The following ZNF91 variants were observed in gnomAD, a reference collection of about 807,000 sequenced individuals.
ZNF91 encodes zinc finger protein 91 (HPF7, HTF10).
Under a neutral mutation model 12.6 loss-of-function variants are expected in ZNF91, and 7 were observed. The ratio of observed to expected loss-of-function variants is 0.55; its 90% CI spans 0.31 to 1.04. The LOEUF (loss-of-function observed/expected upper bound fraction) is 1.04, where lower values mean the gene tolerates loss of function less well. Ranked by LOEUF, ZNF91 falls within the 50% of genes least tolerant of loss-of-function variation. ZNF91 has a pLI of 0.05. For synonymous variants in ZNF91, 453 were observed against 462.6 expected (o/e 0.98, Z 0.27); for missense variants, 1,217 against 1,385.4 (o/e 0.88, Z 1.93).
chr19:23,337,076 C>A (rs919118055), downstream of ZNF91, among the ~76,000 whole-genome samples: 1 of 151,962 alleles, frequency 6.6e-6, no homozygotes, highest in South Asian at 2.1e-4. Flanking sequence ...TTTATGGTAT[C>A]CATCACTCGA....
In ZNF91 at chr19:23,374,352, T is replaced by C. The variant is rs182944170; in HGVS notation, c.157+286A>G. Among the ~76,000 whole-genome samples the C allele has an allele frequency of 2.8e-4, 40 of 143,282 alleles. No individual in the cohort carries two copies. In the East Asian group the frequency reaches 7.2e-3, roughly 26 times the overall value. 94.0% of individuals were successfully genotyped at this position (143,282 alleles called of 152,430 possible). A position where few individuals can be genotyped will look rare whatever the true frequency, so the allele number is the denominator to read the frequency against. ...AGGTCAGGAGATCGAGACCATCCTGTCTAACACAGTGAAACCCCGTCTCTA... is the reference window on the plus strand; with the variant it reads ...AGGTCAGGAGATCGAGACCATCCTGCCTAACACAGTGAAACCCCGTCTCTA... On this transcript the variant is annotated intron_variant, in intron 2 of 3. Coordinates refer to ENST00000300619, the MANE Select transcript of ZNF91 (RefSeq NM_003430.4).
At chr19:23,373,663 C>A in intron 3 of ZNF91, 79 bp downstream of exon 3, 1 of 1,123,954 alleles carries the variant, frequency 8.9e-7, no homozygotes, top group South Asian at 1.5e-5. Flanking sequence ...CACAGCTTCT[C>A]AGATCACTTT....
intron 3 of ZNF91, among the ~76,000 whole-genome samples, chr19:23,366,905 T>G (rs1969038018): frequency 6.6e-6 from 1 of 152,216 alleles, no homozygotes; most frequent in Non-Finnish European, 1.5e-5. Flanking sequence ...TTAACAGACA[T>G]GTACAAAACT....
At position 23,373,808 on chromosome 19, in the gene ZNF91, T is replaced by G; in HGVS notation, c.187A>C (p.Thr63Pro). The G allele has an allele frequency of 6.2e-7, 1 of 1,611,258 alleles. No individual in the cohort carries two copies. The change falls in exon 3 of 4, where the codon ACT becomes CCT. Residue 63 changes from threonine (T) to proline (P), a missense_variant. Physicochemically the swap from Thr to Pro is conservative, Grantham distance 38. Transcript: ENST00000300619. The stretch of plus-strand genomic sequence containing the variant: ...GGCTCTTTTCCTTGCTCCAGATAAG[T>G]AATCAGGTCTGGCTTAGAGAGAGCA... ...GIALSKPDLITYLEQGKEPWN... is the reference protein window; with the variant it reads ...GIALSKPDLIPYLEQGKEPWN...
intron 1 of ZNF91, among the ~76,000 whole-genome samples, chr19:23,321,189 C>T (rs1218563486): frequency 6.6e-6 from 1 of 152,142 alleles, no homozygotes; most frequent in Non-Finnish European, 1.5e-5. Flanking sequence ...ATTTGACTCT[C>T]CTGCCTGGGC....
chr19:23,359,771 T>C lies in ZNF91; in HGVS notation c.3208A>G (p.Arg1070Gly), dbSNP rs1360811827. 1.5e-5 allele frequency: 25 copies of C among 1,613,986 alleles called. No individual in the cohort carries two copies. Among genetic ancestry groups the C allele is most frequent in the Non-Finnish European group, 2.0e-5 (24 of 1,180,032 alleles). The change falls in exon 4 of 4, where the codon AGA (arginine) becomes GGA (glycine). Residue 1070 changes from arginine (R) to glycine (G), a missense_variant. Arg to Gly is a moderately radical substitution (Grantham distance 125, BLOSUM62 -2). Transcript: ENST00000300619. ...ISSSTLNGHKRIHTREKPYKC... is the reference protein window; with the variant it reads ...ISSSTLNGHKGIHTREKPYKC... ...TAGGGTTTCTCTCTAGTATGAATTC[T>C]CTTATGTCCATTTAGGGTTGAGGAT... is the stretch of plus-strand genomic sequence containing the variant.
At chr19:23,317,077 G>A (rs1040323809) in intron 1 of ZNF91, among the ~76,000 whole-genome samples, 4 of 150,978 alleles carry the variant, frequency 2.6e-5, no homozygotes, top group South Asian at 2.1e-4. Flanking sequence ...GCGGAGTCTC[G>A]CTCTGTCGCC....
chr19:23,328,740 G>A (rs566614806), intron 1 of ZNF91: 4 of 152,330 alleles, frequency 2.6e-5, no homozygotes, highest in African/African-American at 9.6e-5. Flanking sequence ...CTGCAGCATC[G>A]TGACAGTAAA....
intron 3 of ZNF91, chr19:23,342,136 GTC>G (rs1220358283): frequency 7.4e-5 from 31 of 420,004 alleles, no homozygotes; most frequent in Non-Finnish European, 7.9e-5. Flanking sequence ...CGTATCCCTC[GTC>G]TCTGTTATCT....
In ZNF91 at chr19:23,362,521, A is replaced by G; in HGVS notation, c.458T>C (p.Val153Ala). ...NQCLTTAQSK[V>A]FQCGKYLKVF... The stretch of plus-strand genomic sequence containing the variant: ...TTTCAAATATTTCCCACATTGAAAT[A>G]CTTTGCTCTGGGCAGTTGTGAGACA... Residue 153 changes from valine to alanine, a missense_variant, in exon 4 of 4, where the codon GTA (valine) becomes GCA (alanine). Physicochemically the swap from Val to Ala is moderately conservative, Grantham distance 64. This residue lies in a region of ZNF91 where 726 missense variants were observed against 895.5 expected (regional missense o/e 0.81). Transcript: ENST00000300619. 2 of 1,604,044 alleles carry G rather than the reference A, an allele frequency of 1.2e-6. No homozygotes were observed. The highest frequency in any genetic ancestry group is 2.2e-5 in the South Asian group (2 of 89,560).
intron 3 of ZNF91, among the ~76,000 whole-genome samples, chr19:23,364,987 A>G (rs986023497): frequency 6.6e-6 from 1 of 152,184 alleles, no homozygotes; most frequent in Non-Finnish European, 1.5e-5. Context: ...GGCATACCCT[A>G]AAATATATAA....
At chr19:23,330,140 TG>T (rs1967903201) in intron 1 of ZNF91, among the ~76,000 whole-genome samples, 1 of 152,006 alleles carries the variant, frequency 6.6e-6, no homozygotes, top group Non-Finnish European at 1.5e-5. Flanking sequence ...AGACCAGCTT[TG>T]TCAACATGGT....
intron 3 of ZNF91, among the ~76,000 whole-genome samples, chr19:23,371,127 G>A (rs532801041): frequency 1.3e-5 from 2 of 152,200 alleles, no homozygotes; most frequent in East Asian, 3.9e-4. Context: ...GATCACCTGA[G>A]GTCAGGAGCT....
rs576054212 is a variant in ZNF91 at position 23,352,128 on chromosome 19, G to T, written c.254-13074C>A. Among the ~76,000 whole-genome samples the T allele has an allele frequency of 3.9e-5, 6 of 152,310 alleles. No homozygotes were observed. The South Asian group carries it at 1.2e-3, about 32-fold the overall frequency. ...AAGCCCTGTTCTTTCCCAGCTGGGA[G>T]GCAGGAAGCCTTAAGAAATTTTCAA... On this transcript the variant is annotated intron_variant, in intron 3 of 3. Coordinates refer to the ZNF91 transcript ENST00000599743.
chr19:23,335,785 T>G (rs1485556029), downstream of ZNF91, among the ~76,000 whole-genome samples: 2 of 152,138 alleles, frequency 1.3e-5, no homozygotes, highest in Non-Finnish European at 2.9e-5. Context: ...GGTGAGGTGA[T>G]GCCCTACCCT....
chr19:23,318,906 C>T (rs1173744466), intron 1 of ZNF91, among the ~76,000 whole-genome samples: 1 of 152,200 alleles, frequency 6.6e-6, no homozygotes, highest in East Asian at 1.9e-4. Context: ...CTTCACCCAA[C>T]ATTTATGTGA....
upstream of ZNF91, among the ~76,000 whole-genome samples, chr19:23,312,065 A>T (rs577889946): frequency 3.3e-5 from 5 of 152,230 alleles, no homozygotes; most frequent in East Asian, 9.7e-4. Flanking sequence ...GGAGGGGATT[A>T]TACCATATCC....
intron 3 of ZNF91, among the ~76,000 whole-genome samples, chr19:23,345,065 G>C (rs989634228): frequency 5.3e-5 from 8 of 152,176 alleles, no homozygotes; most frequent in African/African-American, 1.9e-4. Flanking sequence ...TCCAATGTTG[G>C]CCCAAGAAGG....
intron 1 of ZNF91, among the ~76,000 whole-genome samples, chr19:23,316,771 T>C (rs1267791231): frequency 6.6e-6 from 1 of 152,232 alleles, no homozygotes; most frequent in Non-Finnish European, 1.5e-5. Flanking sequence ...ATGAAGGTTA[T>C]AGAAAATTAC....
Sources: allele counts gnomAD v4.1 joint callset (sites outside exome capture counted in the v4.1 genomes callset), GRCh38; gene constraint gnomAD v4.1.1; regional missense constraint gnomAD v4.1.1; transcripts MANE v1.5; gene names NCBI Gene and HGNC (gene_info 2026-07-23, HGNC 2026-07-21).